ZNF146: variants seen among roughly 807,000 people sequenced by gnomAD.
ZNF146 encodes the protein zinc finger protein 146.
A neutral mutation model predicts 22.2 loss-of-function variants in ZNF146; 9 were observed. The observed-to-expected ratio is 0.41, with a 90% CI of 0.24 to 0.71. The LOEUF is 0.71. Ranked by LOEUF, ZNF146 falls within the 30% of genes least tolerant of loss-of-function variation. The pLI is 0.34. For missense variants in ZNF146, 194 were observed against 344.8 expected, an observed-to-expected ratio of 0.56 and a Z score of 3.46; for synonymous variants, 108 against 119.2, an observed-to-expected ratio of 0.91 and a Z score of 0.61.
At position 36,238,452 on chromosome 19, in the gene ZNF146, A is replaced by G. The variant is rs771432411; in HGVS notation, c.*1133A>G. On this transcript the variant is annotated 3_prime_UTR_variant, in exon 4 of 4. Transcript: ENST00000443387. ...GTTAAAGGGGACTTCAGCTTTTTAT[A>G]TAAACATCCACTTCTCTTTCAAAAG... is the stretch of plus-strand genomic sequence containing the variant. The G allele has an allele frequency of 6.0e-6, 1 of 167,108 alleles. No homozygotes were observed. Among genetic ancestry groups the G allele is most frequent in the African/African-American group, 2.4e-5 (1 of 41,456 alleles). The allele number at this position is 167,108 out of a possible 1,614,324, so 10.4% of individuals were successfully genotyped here. A position where few individuals can be genotyped will look rare whatever the true frequency, so the allele number is the denominator to read the frequency against.
chr19:36,219,894 A>G (rs1260290727), intron 2 of ZNF146, among the ~76,000 whole-genome samples: 1 of 152,116 alleles, frequency 6.6e-6, no homozygotes, highest in Non-Finnish European at 1.5e-5. Context: ...CATTCCTTTT[A>G]CATTTGTTTC....
In ZNF146 at chr19:36,220,440, C is replaced by T. The variant is rs550981060; in HGVS notation, c.-855+2245C>T. On this transcript the variant is annotated intron_variant, in intron 2 of 3. Coordinates refer to ENST00000443387, the MANE Select transcript of ZNF146 (RefSeq NM_007145.3). ...AGTGCAGTGGCACGATCTCAGCTCA[C>T]TGCAATCTCCGCCTCCTGGGTTCAA... Among the ~76,000 whole-genome samples the T allele has an allele frequency of 1.1e-4, 17 of 152,100 alleles. No individual in the cohort carries two copies. In the East Asian group the frequency reaches 3.3e-3, roughly 29 times the overall value.
intron 2 of ZNF146, among the ~76,000 whole-genome samples, chr19:36,227,304 G>T (rs1244125209): frequency 1.3e-5 from 2 of 149,508 alleles, no homozygotes; most frequent in Non-Finnish European, 3.0e-5. Context: ...CAGGAGAATG[G>T]CTTGAACCCG....
chr19:36,229,549 T>G (rs543075540), intron 3 of ZNF146, among the ~76,000 whole-genome samples: 3 of 152,322 alleles, frequency 2.0e-5, no homozygotes, highest in African/African-American at 7.2e-5. Context: ...GCGTGTCACG[T>G]ATATCCTTCT....
intron 3 of ZNF146, among the ~76,000 whole-genome samples, chr19:36,230,173 G>A (rs1214485486): frequency 2.6e-5 from 4 of 152,172 alleles, no homozygotes; most frequent in Non-Finnish European, 5.9e-5. Context: ...GGAATACAGG[G>A]TCAAAGTTAT....
At chr19:36,217,761 G>A (rs1976671956) in intron 1 of ZNF146, among the ~76,000 whole-genome samples, 1 of 151,926 alleles carries the variant, frequency 6.6e-6, no homozygotes, top group Non-Finnish European at 1.5e-5. Context: ...GCACATGCCT[G>A]TTAATCCCAG....
chr19:36,227,376 C>T (rs983783047), intron 2 of ZNF146, among the ~76,000 whole-genome samples: 10 of 144,846 alleles, frequency 6.9e-5, no homozygotes, highest in Non-Finnish European at 1.5e-4. Context: ...GGCAACAGAA[C>T]GAGTCTCTGT....
At chr19:36,233,453 G>A (rs902105039) in intron 3 of ZNF146, among the ~76,000 whole-genome samples, 5 of 152,084 alleles carry the variant, frequency 3.3e-5, no homozygotes, top group African/African-American at 1.2e-4. Context: ...TATAGAGAAA[G>A]AAAAATGGGC....
intron 1 of ZNF146, among the ~76,000 whole-genome samples, chr19:36,216,045 C>T (rs567486925): frequency 4.9e-4 from 74 of 152,126 alleles, no homozygotes; most frequent in Non-Finnish European, 8.8e-4. Context: ...ATCACCCCGC[C>T]CCCGCTGTCG....
At position 36,230,578 on chromosome 19, in the gene ZNF146, A is replaced by G. The variant is rs78989652; in HGVS notation, c.-783+1759A>G. Reference sequence around the variant, plus strand: ...AAGAGTGCGAGAGTGGGCGTGCAGCATTGGGTGGAAGATCATTAGCCAGAA... The same window carrying G: ...AAGAGTGCGAGAGTGGGCGTGCAGCGTTGGGTGGAAGATCATTAGCCAGAA... On this transcript the variant is annotated intron_variant, in intron 3 of 3. Coordinates refer to ENST00000443387, the MANE Select transcript of ZNF146 (RefSeq NM_007145.3). Among the ~76,000 whole-genome samples the G allele has an allele frequency of 5.6e-3, 852 of 152,306 alleles. 7 individuals carry two copies. Among genetic ancestry groups the G allele is most frequent in the African/African-American group, 0.019 (800 of 41,576 alleles).
rs1977638375 is a variant in ZNF146, at chr19:36,236,197, G to A, written c.-244G>A. 1 of 424,256 alleles carries A rather than the reference G, an allele frequency of 2.4e-6. No homozygotes were observed. The highest frequency in any genetic ancestry group is 4.1e-6 in the Non-Finnish European group (1 of 242,376). The allele number at this position is 424,256 out of a possible 1,614,324, so 26.3% of individuals were successfully genotyped here. A position where few individuals can be genotyped will look rare whatever the true frequency, so the allele number is the denominator to read the frequency against. On this transcript the variant is annotated 5_prime_UTR_variant, in exon 4 of 4. The change creates a new upstream start codon in the 5' untranslated region. Coordinates refer to ENST00000443387, the MANE Select transcript of ZNF146 (RefSeq NM_007145.3). ...GAAAATTCATGCTGGAGAGAAACTAGTGAAGGTAGCAATACTTCATTGAAT... is the reference window on the plus strand; with the variant it reads ...GAAAATTCATGCTGGAGAGAAACTAATGAAGGTAGCAATACTTCATTGAAT...
intron 1 of ZNF146, among the ~76,000 whole-genome samples, chr19:36,215,879 G>A (rs1976582490): frequency 6.6e-6 from 1 of 152,080 alleles, no homozygotes; most frequent in South Asian, 2.1e-4. Flanking sequence ...CTCATTTTTT[G>A]AAGAAAGCTT....
intron 2 of ZNF146, among the ~76,000 whole-genome samples, chr19:36,225,273 C>A (rs1977017915): frequency 6.6e-6 from 1 of 152,152 alleles, no homozygotes; most frequent in South Asian, 2.1e-4. Flanking sequence ...AAACAACAAT[C>A]CCTCAAAATT....
intron 1 of ZNF146, among the ~76,000 whole-genome samples, chr19:36,215,943 C>A (rs1184503247): frequency 6.6e-6 from 1 of 152,076 alleles, no homozygotes; most frequent in Non-Finnish European, 1.5e-5. Context: ...TGTCTTAATT[C>A]CTTAATGAGT....
chr19:36,225,501 T>A (rs547435015), intron 2 of ZNF146, among the ~76,000 whole-genome samples: 1 of 152,224 alleles, frequency 6.6e-6, no homozygotes, highest in African/African-American at 2.4e-5. Flanking sequence ...TGCTTTGTGA[T>A]TCTTACTTTT....
Position 36,235,909 on chromosome 19 carries a change from AGTTGGG to A in ZNF146, c.-531_-526del. 1 of 152,556 alleles carries A rather than the reference AGTTGGG, an allele frequency of 6.6e-6. No homozygotes were observed. Among genetic ancestry groups the A allele is most frequent in the Non-Finnish European group, 1.5e-5 (1 of 68,200 alleles). 9.5% of individuals were successfully genotyped at this position (152,556 alleles called of 1,614,324 possible). On this transcript the variant is annotated 5_prime_UTR_variant, in exon 4 of 4. Coordinates refer to ENST00000443387, the MANE Select transcript of ZNF146 (RefSeq NM_007145.3). ...GTAGGAAAGAATCATCAAGGGACTTAGTTGGGAGCTTCTCTACCACAGCTTACTCCT... is the reference window on the plus strand; with the variant it reads ...GTAGGAAAGAATCATCAAGGGACTTAAGCTTCTCTACCACAGCTTACTCCT...
intron 3 of ZNF146, among the ~76,000 whole-genome samples, chr19:36,232,211 A>G (rs1047564268): frequency 6.6e-6 from 1 of 151,986 alleles, no homozygotes; most frequent in East Asian, 1.9e-4. Context: ...AAAAAAAAAA[A>G]ACATACAAAT....
chr19:36,215,078 GA>G (rs1350999116), upstream of ZNF146: 1 of 152,414 alleles, frequency 6.6e-6, no homozygotes, highest in African/African-American at 2.4e-5. Context: ...GCGTCGCGGA[GA>G]CTTCTGGGAG....
chr19:36,227,797 AC>A lies in ZNF146; in HGVS notation c.-854-948del, dbSNP rs1249656510. Among the ~76,000 whole-genome samples, 6 of 152,110 alleles carry A rather than the reference AC, an allele frequency of 3.9e-5. No individual in the cohort carries two copies. In the East Asian group the frequency reaches 9.7e-4, roughly 25 times the overall value. ...TGAACTCCTGCACTCAAAACGATTC[AC>A]CCACTTCCGGCCTCCCGAAGTGTTG... On this transcript the variant is annotated intron_variant, in intron 2 of 3. Coordinates refer to ENST00000443387, the MANE Select transcript of ZNF146 (RefSeq NM_007145.3).
Sources: gnomAD v4.1 joint callset for allele counts (sites outside exome capture counted in the v4.1 genomes callset) on GRCh38, gnomAD v4.1.1 for gene constraint, MANE v1.5 for transcripts, NCBI Gene and HGNC (gene_info 2026-07-23, HGNC 2026-07-21) for gene names.